The following SLC5A9 variants were observed in gnomAD, a reference collection of about 807,000 sequenced individuals.
SLC5A9 encodes the protein sodium/glucose cotransporter 4.
A neutral mutation model predicts 70.9 loss-of-function variants in SLC5A9; 59 were observed. That is an observed-to-expected ratio of 0.83 (90% CI 0.68 to 1.03). The LOEUF (loss-of-function observed/expected upper bound fraction) is 1.03. Among genes scored for constraint, SLC5A9 ranks in the 50% least tolerant of loss-of-function variants. SLC5A9 has a pLI of 0.00. For synonymous variants in SLC5A9, 340 were observed against 346.5 expected (o/e 0.98, Z 0.21); for missense variants, 832 against 881.1 (o/e 0.94, Z 0.71).
At chr1:48,229,224 T>C in intron 3 of SLC5A9, 71 bp from the exon 4 acceptor site, 1 of 1,614,010 alleles carries the variant, frequency 6.2e-7, no homozygotes, top group Non-Finnish European at 8.5e-7. Flanking sequence ...CAGCACTGCC[T>C]CTGGGTGGGA....
In SLC5A9 at chr1:48,244,872, G is replaced by GTGTA. The variant is rs1553132185; in HGVS notation, c.1837+2257_1837+2258insGTAT. On this transcript the variant is annotated intron_variant, in intron 13 of 13. Coordinates refer to ENST00000438567, the MANE Select transcript of SLC5A9 (RefSeq NM_001011547.3). ...AAAACCTGTGTGTGTGTATGTATGT[G>GTGTA]TATGTGTATATATATATATATATAT... Among the ~76,000 whole-genome samples, 50 of 9,312 alleles carry GTGTA rather than the reference G, an allele frequency of 5.4e-3. 4 individuals carry two copies. The highest frequency in any genetic ancestry group is 0.01 in the African/African-American group (49 of 4,694). The allele number at this position is 9,312 out of a possible 152,430, so 6.1% of individuals were successfully genotyped here. A position where few individuals can be genotyped will look rare whatever the true frequency, so the allele number is the denominator to read the frequency against.
rs756117312 is a variant in SLC5A9 at position 48,244,878 on chromosome 1, G to GTATATATATATATATATATA, written c.1837+2275_1837+2294dup. ...TGTGTGTGTGTATGTATGTGTATGTGTATATATATATATATATATATATAT... is the reference window on the plus strand; with the variant it reads ...TGTGTGTGTGTATGTATGTGTATGTGTATATATATATATATATATATATATATATATATATATATATATAT... On this transcript the variant is annotated intron_variant, in intron 13 of 13. Coordinates refer to ENST00000438567, the MANE Select transcript of SLC5A9 (RefSeq NM_001011547.3). Among the ~76,000 whole-genome samples the GTATATATATATATATATATA allele has an allele frequency of 5.4e-4, 16 of 29,394 alleles. 3 individuals carry two copies. The highest frequency in any genetic ancestry group is 6.1e-4 in the Non-Finnish European group (8 of 13,030). 19.3% of individuals were successfully genotyped at this position (29,394 alleles called of 152,430 possible). A position where few individuals can be genotyped will look rare whatever the true frequency, so the allele number is the denominator to read the frequency against.
chr1:48,239,406 G>A lies in SLC5A9; in HGVS notation c.1546G>A (p.Gly516Arg), dbSNP rs75695974. The change falls in exon 12 of 14, where the codon GGG (glycine) becomes AGG (arginine). Residue 516 changes from glycine (G) to arginine (R), a missense_variant. Coordinates refer to ENST00000438567, the MANE Select transcript of SLC5A9 (RefSeq NM_001011547.3). This position sits in a 1 kb window ranked among gnomAD's most constrained non-coding sequence, Gnocchi z 4.2. Reference sequence around the variant, plus strand: ...GTTCTCATACCCAGCGCCAGCCTGTGGGGAGGTGGACCGGAGGCCAGCAGT... The same window carrying A: ...GTTCTCATACCCAGCGCCAGCCTGTAGGGAGGTGGACCGGAGGCCAGCAGT... ...LEFSYPAPAC[G>R]EVDRRPAVLK... is the part of the protein sequence containing the mutation. 3,583 of 1,614,152 alleles carry A rather than the reference G, an allele frequency of 2.2e-3. 3 individuals are homozygous for A. Among genetic ancestry groups the A allele is most frequent in the Non-Finnish European group, 2.8e-3 (3,336 of 1,180,020 alleles).
chr1:48,227,028 G>A (rs944406876), intron 2 of SLC5A9, among the ~76,000 whole-genome samples: 3 of 152,084 alleles, frequency 2.0e-5, no homozygotes, highest in African/African-American at 4.8e-5. Context: ...GTGTGTGCAT[G>A]AGTGTGCTTG....
rs758597301 is a variant in SLC5A9, at chr1:48,230,697, C to G, written c.602C>G (p.Thr201Ser). Residue 201 changes from threonine (T) to serine (S), a missense_variant, in exon 5 of 14, where the codon ACC (threonine) becomes AGC (serine). Thr to Ser is a moderately conservative substitution (Grantham distance 58, BLOSUM62 1). Transcript: ENST00000438567. ...CTGCTGGTGGTGACTGCCGTCTACACCATTGCAGGTAGGCAGAGGGAAGAG... is the reference window on the plus strand; with the variant it reads ...CTGCTGGTGGTGACTGCCGTCTACAGCATTGCAGGTAGGCAGAGGGAAGAG... ...GILLVVTAVY[T>S]IAGGLMAVIY... 1.2e-6 allele frequency: 2 copies of G among 1,613,074 alleles called. No homozygotes were observed. The highest frequency in any genetic ancestry group is 2.7e-5 in the African/African-American group (2 of 74,894).
At chr1:48,224,523 G>A (rs1644116351) in intron 1 of SLC5A9, among the ~76,000 whole-genome samples, 1 of 152,162 alleles carries the variant, frequency 6.6e-6, no homozygotes, top group South Asian at 2.1e-4. Flanking sequence ...TGAATGGCGA[G>A]GCTCACAGAG....
At chr1:48,223,368 T>C (rs541889441) in intron 1 of SLC5A9, among the ~76,000 whole-genome samples, 1 of 152,202 alleles carries the variant, frequency 6.6e-6, no homozygotes, top group African/African-American at 2.4e-5. Context: ...TCCTCTGTTC[T>C]CCATTGTTCC....
chr1:48,228,739 G>T lies in SLC5A9; in HGVS notation c.235-111G>T, dbSNP rs1478744570. On this transcript the variant is annotated intron_variant, in intron 2 of 13. Coordinates refer to ENST00000438567, the MANE Select transcript of SLC5A9 (RefSeq NM_001011547.3). Reference sequence around the variant, plus strand: ...AATGTATTTATGAATGCAGTGCCTGGCATACAGTGGGTACCCAACAAATAT... The same window carrying T: ...AATGTATTTATGAATGCAGTGCCTGTCATACAGTGGGTACCCAACAAATAT... The T allele has an allele frequency of 2.0e-6, 3 of 1,516,826 alleles. No individual in the cohort carries two copies. In the African/African-American group the frequency reaches 4.1e-5, roughly 21 times the overall value. 94.0% of individuals were successfully genotyped at this position (1,516,826 alleles called of 1,614,324 possible). A position where few individuals can be genotyped will look rare whatever the true frequency, so the allele number is the denominator to read the frequency against.
In SLC5A9 at chr1:48,247,792, T is replaced by C. The variant is rs1644476385; in HGVS notation, c.*249T>C. The stretch of plus-strand genomic sequence containing the variant: ...CACGGGGTTTCCCCACTCTTTCTGA[T>C]ATATTGCCTTACAGACCTACCTCAA... On this transcript the variant is annotated 3_prime_UTR_variant, in exon 14 of 14. Coordinates refer to ENST00000438567, the MANE Select transcript of SLC5A9 (RefSeq NM_001011547.3). 1.1e-5 allele frequency: 6 copies of C among 555,816 alleles called. No individual in the cohort carries two copies. In the South Asian group the frequency reaches 1.3e-4, roughly 12 times the overall value. 34.4% of individuals were successfully genotyped at this position (555,816 alleles called of 1,614,324 possible). A position where few individuals can be genotyped will look rare whatever the true frequency, so the allele number is the denominator to read the frequency against.
intron 6 of SLC5A9, 159 bp from the exon 7 acceptor site, chr1:48,231,787 T>G: frequency 2.0e-6 from 3 of 1,505,694 alleles, no homozygotes; most frequent in Non-Finnish European, 2.7e-6. Flanking sequence ...TTCTCGCTAC[T>G]TCAAACCAAG....
At chr1:48,229,491 T>C (rs1267080893) in intron 4 of SLC5A9, 32 bp downstream of exon 4, 1 of 1,609,692 alleles carries the variant, frequency 6.2e-7, no homozygotes, top group South Asian at 1.1e-5. Context: ...TCACTGTGTC[T>C]GGAAATGCTA....
intron 3 of SLC5A9, 125 bp downstream of exon 3, chr1:48,229,079 C>A: frequency 2.5e-6 from 4 of 1,614,012 alleles, no homozygotes; most frequent in Non-Finnish European, 3.4e-6. Context: ...GAATCCATTT[C>A]ACAATTGAGA....
rs564948027 is a variant in SLC5A9 at position 48,229,369 on chromosome 1, G to T, written c.414G>T (p.Pro138=). The change falls in exon 4 of 14, where the codon CCG becomes CCT. Residue 138 remains proline, a synonymous_variant. Coordinates refer to ENST00000438567, the MANE Select transcript of SLC5A9 (RefSeq NM_001011547.3). ...TCGCAGCAGGTGTGGTCACAATGCC[G>T]CAGTATCTGAAGAAGCGATTTGGGG... The part of the protein sequence containing the change: ...VYIAAGVVTM[P]QYLKKRFGGQ... 1 of 1,614,036 alleles carries T rather than the reference G, an allele frequency of 6.2e-7. No individual in the cohort carries two copies. Among genetic ancestry groups the T allele is most frequent in the African/African-American group, 1.3e-5 (1 of 74,892 alleles).
chr1:48,244,680 C>G (rs1345710032), intron 13 of SLC5A9, among the ~76,000 whole-genome samples: 3 of 138,606 alleles, frequency 2.2e-5, no homozygotes, highest in East Asian at 4.3e-4. Context: ...ATCAGTTGCC[C>G]CAATTACTTC....
At position 48,228,955 on chromosome 1, in the gene SLC5A9, G is replaced by A. The variant is rs149485404; in HGVS notation, c.339+1G>A. ...TGCCGTAGGTGGCTTCGAGTGGAAC[G>A]TAAGGAAGCTGGCCTGGTTTCTCCA... On this transcript the variant is annotated splice_donor_variant, in intron 3 of 13. Coordinates refer to ENST00000438567, the MANE Select transcript of SLC5A9 (RefSeq NM_001011547.3). LOFTEE classifies it high-confidence loss of function. 2.8e-4 allele frequency: 455 copies of A among 1,613,202 alleles called. 2 individuals are homozygous for A. The African/African-American group carries it at 4.7e-3, about 17-fold the overall frequency.
intron 13 of SLC5A9, among the ~76,000 whole-genome samples, chr1:48,245,409 C>T (rs1569873327): frequency 2.6e-5 from 4 of 152,212 alleles, no homozygotes; most frequent in Admixed American, 2.6e-4. Flanking sequence ...GAAATGCCTG[C>T]TCCCTGTGGA....
rs1644405172 is a variant in SLC5A9 at position 48,242,596 on chromosome 1, TG to T, written c.1820del (p.Gly607AlafsTer31). On this transcript the variant is annotated frameshift_variant, in exon 13 of 14. Transcript: ENST00000438567. LOFTEE classifies it low-confidence loss of function (END_TRUNC). ...GGTGGAGCGGCAGAGAACTCGAGCC[TG>T]GGCCAGGAGCAGCCTGAAGGTAGGC... is the stretch of plus-strand genomic sequence containing the variant. ...AGGGAAENSS[L>X]GQEQPEAPSR... is the part of the protein sequence containing the mutation. 6.2e-7 allele frequency: 1 copy of T among 1,611,610 alleles called. No individual in the cohort carries two copies. The highest frequency in any genetic ancestry group is 1.7e-5 in the Admixed American group (1 of 59,872).
chr1:48,233,652 CA>C lies in SLC5A9; in HGVS notation c.1034-2del, dbSNP rs752560649. ...ACTCTAACTGCCATTACTTCTTCCA[CA>C]GACGAGGTGGGCTGCGTGGACCCTG... On this transcript the variant is annotated splice_acceptor_variant, in intron 8 of 13. Coordinates refer to ENST00000438567, the MANE Select transcript of SLC5A9 (RefSeq NM_001011547.3). LOFTEE classifies it high-confidence loss of function. 1.9e-5 allele frequency: 30 copies of C among 1,613,368 alleles called. No homozygotes were observed. In the African/African-American group the frequency reaches 3.3e-4, roughly 18 times the overall value.
At position 48,243,657 on chromosome 1, in the gene SLC5A9, C is replaced by T. The variant is rs986839148; in HGVS notation, c.1837+1041C>T. Among the ~76,000 whole-genome samples the T allele has an allele frequency of 2.6e-5, 4 of 151,674 alleles. No individual in the cohort carries two copies. In the South Asian group the frequency reaches 8.3e-4, roughly 32 times the overall value. Reference sequence around the variant, plus strand: ...CTGGGTGACAAAATAATCTGTATGCCAAATCCCAGTGACATGCAATTTACC... The same window carrying T: ...CTGGGTGACAAAATAATCTGTATGCTAAATCCCAGTGACATGCAATTTACC... On this transcript the variant is annotated intron_variant, in intron 13 of 13. Coordinates refer to ENST00000438567, the MANE Select transcript of SLC5A9 (RefSeq NM_001011547.3).
Sources: allele counts gnomAD v4.1 joint callset (sites outside exome capture counted in the v4.1 genomes callset), GRCh38; gene constraint gnomAD v4.1.1; non-coding constraint Gnocchi (gnomAD v3.1); transcripts MANE v1.5; gene names NCBI Gene and HGNC (gene_info 2026-07-23, HGNC 2026-07-21).